CUX2: variants seen among roughly 807,000 people sequenced by gnomAD.
CUX2 encodes the protein homeobox protein cut-like 2.
Under a neutral mutation model 144.8 loss-of-function variants are expected in CUX2, and 40 were observed. The observed-to-expected ratio is 0.28, with a 90% CI of 0.21 to 0.36. CUX2 has a LOEUF of 0.36. Ranked by LOEUF, CUX2 falls within the 10% of genes least tolerant of loss-of-function variation. The probability of loss-of-function intolerance (pLI) is 1.00; values close to 1 mark genes in which losing one functional copy is unlikely to be tolerated. For missense variants in CUX2, 1,615 were observed against 1,994.0 expected (o/e 0.81, Z 3.62); for synonymous variants, 827 against 875.6 (o/e 0.94, Z 0.98).
At chr12:111,339,545 C>T (rs1380071326) in intron 20 of CUX2, 1 of 152,202 alleles carries the variant, frequency 6.6e-6, no homozygotes, top group Non-Finnish European at 1.5e-5. Context: ...CCATACCACC[C>T]GGAATGCTGA....
chr12:111,265,187 T>A (rs934604916), intron 4 of CUX2, among the ~76,000 whole-genome samples: 2 of 152,068 alleles, frequency 1.3e-5, no homozygotes, highest in Non-Finnish European at 2.9e-5. Context: ...GGCCTCTGGG[T>A]GCTGGGACTG....
chr12:111,308,506 C>A lies in CUX2; in HGVS notation c.1238C>A (p.Pro413His), dbSNP rs773940304. ...FPTQKFLLEK[P>H]SLLASPEEDP... ...ACGCAGAAATTCCTTCTGGAGAAGC[C>A]CAGCCTCCTGGCCAGCCCTGGTAGG... is the stretch of plus-strand genomic sequence containing the variant. Residue 413 changes from proline (P) to histidine (H), a missense_variant, in exon 14 of 22, where the codon CCC becomes CAC. Pro to His is a moderately conservative substitution (Grantham distance 77). This residue lies in a region of CUX2 where 57 missense variants were observed against 60.8 expected (regional missense o/e 0.94). Transcript: ENST00000261726. 29 of 1,612,826 alleles carry A rather than the reference C, an allele frequency of 1.8e-5. No individual in the cohort carries two copies. Among genetic ancestry groups the A allele is most frequent in the Admixed American group, 1.5e-4 (9 of 59,830 alleles).
At chr12:111,109,033 T>G (rs1004535863) in intron 1 of CUX2, among the ~76,000 whole-genome samples, 1 of 152,162 alleles carries the variant, frequency 6.6e-6, no homozygotes, top group Non-Finnish European at 1.5e-5. Context: ...GGAGATTGAT[T>G]GGTGGGTTCA....
chr12:111,063,575 G>T (rs1244204517), intron 1 of CUX2, among the ~76,000 whole-genome samples: 5 of 152,174 alleles, frequency 3.3e-5, no homozygotes, highest in Non-Finnish European at 5.9e-5. Flanking sequence ...GATACGGTGG[G>T]CTTCCGTTTT....
chr12:111,254,072 C>T (rs1401539779), intron 3 of CUX2, among the ~76,000 whole-genome samples: 1 of 151,942 alleles, frequency 6.6e-6, no homozygotes, highest in Non-Finnish European at 1.5e-5. Flanking sequence ...CTTGGGATGC[C>T]CACTGGCTAG....
At chr12:111,225,491 T>C (rs929593309) in intron 3 of CUX2, among the ~76,000 whole-genome samples, 1 of 152,242 alleles carries the variant, frequency 6.6e-6, no homozygotes, top group African/African-American at 2.4e-5. Flanking sequence ...ACAGCTGGTA[T>C]TGTCCCCTTT....
intron 1 of CUX2, among the ~76,000 whole-genome samples, chr12:111,098,077 A>G (rs1872937510): frequency 6.6e-6 from 1 of 152,266 alleles, no homozygotes; most frequent in Non-Finnish European, 1.5e-5. Context: ...GTCTCAGGCC[A>G]CCATGGAGAG....
chr12:111,320,595 C>A lies in CUX2; in HGVS notation c.2586C>A (p.Gly862=), dbSNP rs759916114. 3 of 1,531,762 alleles carry A rather than the reference C, an allele frequency of 2.0e-6. No homozygotes were observed. The highest frequency in any genetic ancestry group is 1.9e-4 in the Middle Eastern group (1 of 5,244). 94.9% of individuals were successfully genotyped at this position (1,531,762 alleles called of 1,614,324 possible). ...CTGAGGGCGCGACGGCCGAGGCGGG[C>A]GCGCGGCTGCCCTACTACCCGGCCT... ...LKAEGATAEA[G]ARLPYYPAYV... Residue 862 remains glycine, a synonymous_variant, in exon 17 of 22, where the codon GGC becomes GGA. Transcript: ENST00000261726. The surrounding 1 kb of genome is among the most constrained non-coding windows in gnomAD (Gnocchi z 8.1).
intron 16 of CUX2, among the ~76,000 whole-genome samples, chr12:111,314,374 T>A (rs763028105): frequency 6.6e-6 from 1 of 152,018 alleles, no homozygotes; most frequent in Non-Finnish European, 1.5e-5. Context: ...GCCCAGACCA[T>A]CTTCTCATCT....
chr12:111,151,218 G>A lies in CUX2; in HGVS notation c.64-62982G>A, dbSNP rs374820706. Among the ~76,000 whole-genome samples, 16 of 152,202 alleles carry A rather than the reference G, an allele frequency of 1.1e-4. 1 individual carries two copies. Among genetic ancestry groups the A allele is most frequent in the African/African-American group, 3.4e-4 (14 of 41,520 alleles). ...TCAGATTATTCCTGTCAGCTATTCC[G>A]GTTTCATGGGTAATTTAGTAGTTGA... is the stretch of plus-strand genomic sequence containing the variant. On this transcript the variant is annotated intron_variant, in intron 1 of 21. Coordinates refer to ENST00000261726, the MANE Select transcript of CUX2 (RefSeq NM_015267.4).
chr12:111,305,838 T>C (rs1385598586), intron 10 of CUX2, among the ~76,000 whole-genome samples: 1 of 152,142 alleles, frequency 6.6e-6, no homozygotes, highest in East Asian at 1.9e-4. Context: ...GTCTGTTGTG[T>C]GTGATGATGT....
rs191588929 is a variant in CUX2, at chr12:111,213,149, G to A, written c.64-1051G>A. On this transcript the variant is annotated intron_variant, in intron 1 of 21. Transcript: ENST00000261726. ...ATCACCGGATTTAGGAAATTATGGG[G>A]CTTGATTGCTGCAAATATAATCGGA... 2.0e-3 allele frequency among the ~76,000 whole-genome samples: 310 copies of A among 152,308 alleles called. 3 individuals are homozygous for A. Among genetic ancestry groups the A allele is most frequent in the African/African-American group, 7.1e-3 (297 of 41,560 alleles).
At chr12:111,101,546 G>A (rs1873236706) in intron 1 of CUX2, among the ~76,000 whole-genome samples, 1 of 152,204 alleles carries the variant, frequency 6.6e-6, no homozygotes, top group Non-Finnish European at 1.5e-5. Context: ...CTGCAGATCT[G>A]GGTGGGTGAG....
intron 1 of CUX2, among the ~76,000 whole-genome samples, chr12:111,168,951 C>T (rs1466668480): frequency 6.6e-6 from 1 of 151,784 alleles, no homozygotes; most frequent in Non-Finnish European, 1.5e-5. Flanking sequence ...CCCCTGCCTG[C>T]CCCCTCCCCC....
At position 111,175,594 on chromosome 12, in the gene CUX2, G is replaced by A. The variant is rs969441146; in HGVS notation, c.64-38606G>A. ...GCAGGCTTGGTCACGCGGCAATATC[G>A]TGTTGGGTTCTCAACAAAAGTTTTT... On this transcript the variant is annotated intron_variant, in intron 1 of 21. Coordinates refer to ENST00000261726, the MANE Select transcript of CUX2 (RefSeq NM_015267.4). 4.6e-5 allele frequency among the ~76,000 whole-genome samples: 7 copies of A among 152,166 alleles called. No homozygotes were observed. The East Asian group carries it at 9.6e-4, about 21-fold the overall frequency.
chr12:111,168,957 C>T (rs1045309900), intron 1 of CUX2, among the ~76,000 whole-genome samples: 8 of 152,076 alleles, frequency 5.3e-5, no homozygotes, highest in African/African-American at 1.7e-4. Flanking sequence ...CCTGCCCCCT[C>T]CCCCCACTGT....
intron 1 of CUX2, among the ~76,000 whole-genome samples, chr12:111,112,951 G>C (rs1874063920): frequency 6.6e-6 from 1 of 152,172 alleles, no homozygotes; most frequent in South Asian, 2.1e-4. Flanking sequence ...TGGCACTTTG[G>C]ACAGAAAGTG....
intron 1 of CUX2, among the ~76,000 whole-genome samples, chr12:111,063,285 G>A (rs1197464781): frequency 6.6e-6 from 1 of 152,084 alleles, no homozygotes; most frequent in African/African-American, 2.4e-5. Context: ...ATTTACCTAG[G>A]GGCTTGTGAA....
intron 3 of CUX2, among the ~76,000 whole-genome samples, chr12:111,226,521 T>TC (rs1418339784): frequency 1.5e-4 from 23 of 152,190 alleles, no homozygotes; most frequent in Non-Finnish European, 2.8e-4. Flanking sequence ...AATGCTTTTT[T>TC]CCCCCCAGTT....
Sources: gnomAD v4.1 joint callset for allele counts (sites outside exome capture counted in the v4.1 genomes callset) on GRCh38, gnomAD v4.1.1 for gene constraint, gnomAD v4.1.1 regional missense constraint, Gnocchi (gnomAD v3.1) non-coding constraint, MANE v1.5 for transcripts, NCBI Gene and HGNC (gene_info 2026-07-23, HGNC 2026-07-21) for gene names.